The following PRKCE variants were observed in gnomAD, a reference collection of about 807,000 sequenced individuals.
The protein encoded by PRKCE is protein kinase C epsilon type.
PRKCE carries 16 observed loss-of-function variants against 85.4 expected under a neutral mutation model. That is an observed-to-expected ratio of 0.19 (90% CI 0.13 to 0.28). PRKCE has a LOEUF of 0.28. Among genes scored for constraint, PRKCE ranks in the 10% least tolerant of loss-of-function variants. The pLI is 1.00. For synonymous variants in PRKCE, 388 were observed against 371.5 expected, an observed-to-expected ratio of 1.04 and a Z score of -0.51; for missense variants, 573 against 975.2, an observed-to-expected ratio of 0.59 and a Z score of 5.49.
intron 2 of PRKCE, among the ~76,000 whole-genome samples, chr2:45,969,199 T>G (rs1701940566): frequency 6.6e-6 from 1 of 151,944 alleles, no homozygotes; most frequent in Admixed American, 6.6e-5. Context: ...TATTTATGCC[T>G]TTGTGAATTC....
At chr2:45,966,962 T>A (rs1054753243) in intron 2 of PRKCE, among the ~76,000 whole-genome samples, 5 of 152,194 alleles carry the variant, frequency 3.3e-5, no homozygotes, top group Non-Finnish European at 5.9e-5. Flanking sequence ...ATTGGATTAC[T>A]AAAGCCACAG....
intron 1 of PRKCE, among the ~76,000 whole-genome samples, chr2:45,784,329 C>A (rs898773935): frequency 2.0e-5 from 3 of 152,170 alleles, no homozygotes; most frequent in Non-Finnish European, 2.9e-5. Context: ...GGGCCACTTG[C>A]GGGTGAGGTG....
At chr2:46,020,738 C>G (rs1476368652) in intron 10 of PRKCE, among the ~76,000 whole-genome samples, 1 of 152,176 alleles carries the variant, frequency 6.6e-6, no homozygotes, top group African/African-American at 2.4e-5. Context: ...GCGTCAGAAT[C>G]TTTTGAGGCA....
intron 1 of PRKCE, among the ~76,000 whole-genome samples, chr2:45,772,713 C>T (rs1371135570): frequency 2.6e-5 from 4 of 151,928 alleles, no homozygotes; most frequent in Non-Finnish European, 4.4e-5. Flanking sequence ...ATGCTCAGCA[C>T]CATTTAGGGT....
chr2:46,161,469 G>T (rs1221094251), intron 14 of PRKCE, among the ~76,000 whole-genome samples: 1 of 152,202 alleles, frequency 6.6e-6, no homozygotes, highest in Non-Finnish European at 1.5e-5. Flanking sequence ...GCTACAAGAT[G>T]ACTTAAACTC....
intron 1 of PRKCE, among the ~76,000 whole-genome samples, chr2:45,818,582 C>T (rs775785397): frequency 1.3e-5 from 2 of 152,204 alleles, no homozygotes; most frequent in African/African-American, 2.4e-5. Flanking sequence ...CTTCTACCCT[C>T]CTTTCATCCT....
chr2:45,937,725 AAAAAG>A (rs1184758906), intron 2 of PRKCE, among the ~76,000 whole-genome samples: 1 of 152,174 alleles, frequency 6.6e-6, no homozygotes, highest in East Asian at 1.9e-4. Flanking sequence ...AAAGAAAAAA[AAAAAG>A]AAAGAAAACT....
intron 1 of PRKCE, among the ~76,000 whole-genome samples, chr2:45,806,604 C>A (rs1467039849): frequency 6.6e-6 from 1 of 152,206 alleles, no homozygotes; most frequent in African/African-American, 2.4e-5. Flanking sequence ...TCCTCATAAG[C>A]ACAGGCAACC....
At chr2:45,972,361 A>G (rs76821215) in intron 2 of PRKCE, among the ~76,000 whole-genome samples, 5,189 of 152,296 alleles carry the variant, frequency 0.034, 126 homozygotes, top group Middle Eastern at 0.082. Flanking sequence ...TATTTTGGAT[A>G]TTAACCCTTT....
intron 10 of PRKCE, among the ~76,000 whole-genome samples, chr2:46,047,834 C>T (rs550808085): frequency 1.2e-4 from 19 of 152,242 alleles, no homozygotes; most frequent in African/African-American, 4.3e-4. Context: ...AAAGCATTTC[C>T]ACTGCTTACT....
intron 2 of PRKCE, among the ~76,000 whole-genome samples, chr2:45,917,777 G>C (rs1044976829): frequency 6.6e-6 from 1 of 152,240 alleles, no homozygotes; most frequent in Non-Finnish European, 1.5e-5. Flanking sequence ...GGGGGTGGGA[G>C]GCTCAGGCAT....
chr2:45,935,748 G>A (rs1487385081), intron 2 of PRKCE, among the ~76,000 whole-genome samples: 1 of 146,844 alleles, frequency 6.8e-6, no homozygotes, highest in Admixed American at 6.9e-5. Flanking sequence ...TCATGCCACC[G>A]CACTCCAGCC....
intron 2 of PRKCE, among the ~76,000 whole-genome samples, chr2:45,970,496 A>G (rs1364930616): frequency 2.0e-5 from 3 of 152,144 alleles, no homozygotes; most frequent in Non-Finnish European, 4.4e-5. Flanking sequence ...CAATGTGACA[A>G]CATCCTGGAT....
At chr2:45,672,884 G>C (rs1017849366) in intron 1 of PRKCE, among the ~76,000 whole-genome samples, 4 of 152,032 alleles carry the variant, frequency 2.6e-5, no homozygotes, top group African/African-American at 4.8e-5. Flanking sequence ...AAATTAGCTG[G>C]GTGTGGTGGC....
At chr2:45,665,164 T>A (rs1675854319) in intron 1 of PRKCE, among the ~76,000 whole-genome samples, 1 of 152,268 alleles carries the variant, frequency 6.6e-6, no homozygotes, top group African/African-American at 2.4e-5. Flanking sequence ...TCATTTTACA[T>A]AATTTACATT....
At chr2:45,700,278 A>C (rs370863777) in intron 1 of PRKCE, among the ~76,000 whole-genome samples, 1 of 152,146 alleles carries the variant, frequency 6.6e-6, no homozygotes, top group Non-Finnish European at 1.5e-5. Context: ...AGAGACATCT[A>C]TGAAGTAACC....
intron 1 of PRKCE, among the ~76,000 whole-genome samples, chr2:45,822,583 ACT>A (rs1689625008): frequency 6.6e-6 from 1 of 151,962 alleles, no homozygotes; most frequent in African/African-American, 2.4e-5. Context: ...CCCTGTAATG[ACT>A]CTGGGCATAG....
At chr2:45,943,537 A>AAAG (rs1700031175) in intron 2 of PRKCE, among the ~76,000 whole-genome samples, 1 of 152,240 alleles carries the variant, frequency 6.6e-6, no homozygotes, top group Non-Finnish European at 1.5e-5. Flanking sequence ...TTTCTCCCAC[A>AAAG]AAGACTCAAA....
Position 46,041,482 on chromosome 2 carries a change from C to T in PRKCE, c.1437+30965C>T, listed in dbSNP as rs1423547833. Among the ~76,000 whole-genome samples the T allele has an allele frequency of 1.3e-5, 2 of 152,166 alleles. No homozygotes were observed. Among genetic ancestry groups the T allele is most frequent in the African/African-American group, 4.8e-5 (2 of 41,432 alleles). The stretch of plus-strand genomic sequence containing the variant: ...ACTCAGTTCACATCCAGACTGGCTT[C>T]TAGAAGAAAGGAAATTTATAGTGTG... On this transcript the variant is annotated intron_variant, in intron 10 of 14. Coordinates refer to ENST00000306156, the MANE Select transcript of PRKCE (RefSeq NM_005400.3). This position sits in a 1 kb window ranked among gnomAD's most constrained non-coding sequence, Gnocchi z 5.5.
Sources: allele counts gnomAD v4.1 joint callset (sites outside exome capture counted in the v4.1 genomes callset), GRCh38; gene constraint gnomAD v4.1.1; non-coding constraint Gnocchi (gnomAD v3.1); transcripts MANE v1.5; gene names NCBI Gene and HGNC (gene_info 2026-07-23, HGNC 2026-07-21).